The following CADM2 variants were observed in gnomAD, a reference collection of about 807,000 sequenced individuals.
CADM2 encodes cell adhesion molecule 2.
In CADM2, 12 loss-of-function variants were observed where a neutral mutation model predicts 49.8. The ratio of observed to expected loss-of-function variants is 0.24; its 90% CI spans 0.15 to 0.39. The LOEUF (loss-of-function observed/expected upper bound fraction) is 0.39, where lower values mean the gene tolerates loss of function less well. Ranked by LOEUF, CADM2 falls within the 10% of genes least tolerant of loss-of-function variation. The pLI, the probability that CADM2 is intolerant of heterozygous loss-of-function variation, is 1.00. For synonymous variants in CADM2, 214 were observed against 175.4 expected, an observed-to-expected ratio of 1.22 and a Z score of -1.74; for missense variants, 378 against 492.3, an observed-to-expected ratio of 0.77 and a Z score of 2.20.
At chr3:86,020,431 C>A (rs1732987804) in intron 8 of CADM2, among the ~76,000 whole-genome samples, 1 of 152,084 alleles carries the variant, frequency 6.6e-6, no homozygotes. Context: ...GGTACCATTC[C>A]TTCTGAAACT....
chr3:85,908,907 G>A (rs1717182225), intron 5 of CADM2, among the ~76,000 whole-genome samples: 1 of 151,926 alleles, frequency 6.6e-6, no homozygotes, highest in Admixed American at 6.6e-5. Context: ...TGTATTTTTA[G>A]TAGAGATGGG....
intron 8 of CADM2, among the ~76,000 whole-genome samples, chr3:85,971,828 A>G (rs1726184159): frequency 6.6e-6 from 1 of 151,680 alleles, no homozygotes; most frequent in South Asian, 2.1e-4. Flanking sequence ...GATTTTATTC[A>G]TGAAGTTTTC....
At chr3:85,086,509 CTTTTTTT>C (rs61269529) in intron 1 of CADM2, among the ~76,000 whole-genome samples, 2 of 102,314 alleles carry the variant, frequency 2.0e-5, no homozygotes, top group Admixed American at 1.2e-4. Context: ...CAAGAATAAA[CTTTTTTT>C]TTTTTTTTTT....
At chr3:84,961,128 A>T (rs1379867850) in intron 1 of CADM2, among the ~76,000 whole-genome samples, 1 of 152,142 alleles carries the variant, frequency 6.6e-6, no homozygotes, top group Non-Finnish European at 1.5e-5. Flanking sequence ...AGTAAGACAC[A>T]CGTAGACTCA....
At chr3:85,868,015 G>T (rs1482054801) in intron 3 of CADM2, among the ~76,000 whole-genome samples, 1 of 151,810 alleles carries the variant, frequency 6.6e-6, no homozygotes, top group Admixed American at 6.6e-5. Context: ...TTATTATTAA[G>T]GTACCAACAA....
At chr3:86,007,457 A>G (rs1256717885) in intron 8 of CADM2, among the ~76,000 whole-genome samples, 3 of 152,154 alleles carry the variant, frequency 2.0e-5, no homozygotes, top group Non-Finnish European at 4.4e-5. Flanking sequence ...TGAAACATAT[A>G]AACTGAACTT....
At position 84,959,743 on chromosome 3, in the gene CADM2, C is replaced by T. The variant is rs766096598; in HGVS notation, c.61+75C>T. ...TCTTCCCCATTCCACCCCATATTTC[C>T]ACTCTCCCCTCCCAGTCTCCCTGTC... On this transcript the variant is annotated intron_variant, in intron 1 of 9. Transcript: ENST00000383699. 5.7e-5 allele frequency: 77 copies of T among 1,339,766 alleles called. 1 individual carries two copies. The highest frequency in any genetic ancestry group is 7.6e-5 in the Non-Finnish European group (74 of 967,530). The allele number at this position is 1,339,766 out of a possible 1,614,324, so 83.0% of individuals were successfully genotyped here. A position where few individuals can be genotyped will look rare whatever the true frequency, so the allele number is the denominator to read the frequency against.
chr3:86,009,772 AT>A (rs1198137509), intron 8 of CADM2, among the ~76,000 whole-genome samples: 1 of 151,780 alleles, frequency 6.6e-6, no homozygotes, highest in Non-Finnish European at 1.5e-5. Context: ...TTTAAAAATT[AT>A]TTTTTAATTG....
intron 1 of CADM2, among the ~76,000 whole-genome samples, chr3:85,592,956 G>GT: frequency 6.6e-6 from 1 of 151,778 alleles, no homozygotes; most frequent in Non-Finnish European, 1.5e-5. Context: ...CATGTGTTTA[G>GT]TTTTCTCTTC....
chr3:85,461,213 C>T (rs1192669426), intron 1 of CADM2, among the ~76,000 whole-genome samples: 1 of 152,036 alleles, frequency 6.6e-6, no homozygotes, highest in Non-Finnish European at 1.5e-5. Flanking sequence ...AGAAATTTAA[C>T]ACATAAAAAG....
chr3:85,361,078 T>C (rs1178942229), intron 1 of CADM2, among the ~76,000 whole-genome samples: 1 of 152,194 alleles, frequency 6.6e-6, no homozygotes, highest in East Asian at 1.9e-4. Context: ...CCATCTTTTA[T>C]CCCAAGGGAC....
intron 8 of CADM2, among the ~76,000 whole-genome samples, chr3:85,976,591 T>A (rs1023066941): frequency 6.6e-6 from 1 of 151,582 alleles, no homozygotes; most frequent in Non-Finnish European, 1.5e-5. Context: ...CAAAAATGTT[T>A]TAAATGTTTT....
chr3:85,861,286 A>G (rs1486111521), intron 3 of CADM2, among the ~76,000 whole-genome samples: 1 of 152,218 alleles, frequency 6.6e-6, no homozygotes, highest in East Asian at 1.9e-4. Flanking sequence ...CCAATTACAT[A>G]TCAGGAATTT....
At chr3:85,133,652 A>C (rs1292459486) in intron 1 of CADM2, among the ~76,000 whole-genome samples, 1 of 152,124 alleles carries the variant, frequency 6.6e-6, no homozygotes, top group African/African-American at 2.4e-5. Flanking sequence ...TGCATTCACA[A>C]ACCCTGAGCT....
chr3:84,967,624 G>A (rs1366995027), intron 1 of CADM2, among the ~76,000 whole-genome samples: 1 of 151,974 alleles, frequency 6.6e-6, no homozygotes, highest in African/African-American at 2.4e-5. Flanking sequence ...TACTCTCCAG[G>A]AATATAATAT....
chr3:85,216,004 T>C (rs1346564279), intron 1 of CADM2, among the ~76,000 whole-genome samples: 3 of 152,036 alleles, frequency 2.0e-5, no homozygotes, highest in Non-Finnish European at 4.4e-5. Context: ...CCCTCTTCAG[T>C]GTCTCTTTCC....
At chr3:85,958,352 A>T (rs1187923507) in intron 7 of CADM2, among the ~76,000 whole-genome samples, 2 of 151,986 alleles carry the variant, frequency 1.3e-5, no homozygotes, top group East Asian at 1.9e-4. Flanking sequence ...GTTGGTGGGA[A>T]TGTAAATTAG....
chr3:85,676,072 G>A (rs946748209), intron 1 of CADM2, among the ~76,000 whole-genome samples: 3 of 152,136 alleles, frequency 2.0e-5, no homozygotes, highest in African/African-American at 7.2e-5. Flanking sequence ...GCCGCTCATG[G>A]CTATTGACAC....
At chr3:86,065,981 A>G (rs910238672) in intron 9 of CADM2, among the ~76,000 whole-genome samples, 1 of 152,142 alleles carries the variant, frequency 6.6e-6, no homozygotes, top group African/African-American at 2.4e-5. Context: ...AAATAGAAAA[A>G]ATATGGAAGA....
Sources: gnomAD v4.1 joint callset for allele counts (sites outside exome capture counted in the v4.1 genomes callset) on GRCh38, gnomAD v4.1.1 for gene constraint, MANE v1.5 for transcripts, NCBI Gene and HGNC (gene_info 2026-07-23, HGNC 2026-07-21) for gene names.